PTPRN2: variants seen among roughly 807,000 people sequenced by gnomAD.
PTPRN2 encodes the protein receptor-type tyrosine-protein phosphatase N2.
Under a neutral mutation model 118.8 loss-of-function variants are expected in PTPRN2, and 74 were observed. The observed-to-expected ratio is 0.62, with a 90% CI of 0.52 to 0.76. The LOEUF (loss-of-function observed/expected upper bound fraction) is 0.76. Among genes scored for constraint, PTPRN2 ranks in the 30% least tolerant of loss-of-function variants. The pLI is 0.00. For synonymous variants in PTPRN2, 641 were observed against 608.0 expected, an observed-to-expected ratio of 1.05 and a Z score of -0.80; for missense variants, 1,481 against 1,394.4, an observed-to-expected ratio of 1.06 and a Z score of -0.99.
At chr7:158,261,281 G>A (rs1797381629) in intron 3 of PTPRN2, among the ~76,000 whole-genome samples, 1 of 152,098 alleles carries the variant, frequency 6.6e-6, no homozygotes, top group Admixed American at 6.6e-5. Context: ...CGGAAAGATG[G>A]GAGCACCAGG....
chr7:158,432,106 C>T (rs1054162889), intron 2 of PTPRN2, among the ~76,000 whole-genome samples: 33 of 152,198 alleles, frequency 2.2e-4, no homozygotes, highest in African/African-American at 8.0e-4. Flanking sequence ...GGCTGACTCA[C>T]GGGATGCCTT....
chr7:157,558,302 C>T (rs936435201), intron 21 of PTPRN2, among the ~76,000 whole-genome samples: 5 of 152,106 alleles, frequency 3.3e-5, no homozygotes, highest in Non-Finnish European at 7.4e-5. Context: ...GGGAGCAGCA[C>T]GAGAGCCCCA....
intron 12 of PTPRN2, chr7:157,863,432 C>G (rs1406675721): frequency 1.3e-5 from 2 of 152,240 alleles, no homozygotes; most frequent in Non-Finnish European, 2.9e-5. Context: ...AGGGTCAATC[C>G]TGGCCCATGC....
chr7:157,559,473 G>A (rs78315041), intron 21 of PTPRN2, among the ~76,000 whole-genome samples: 159 of 152,322 alleles, frequency 1.0e-3, no homozygotes, highest in African/African-American at 3.1e-3. Context: ...GAGTGGGTGG[G>A]AGCGAGAGCA....
chr7:158,183,871 G>T (rs1206556579), intron 5 of PTPRN2, among the ~76,000 whole-genome samples: 2 of 151,956 alleles, frequency 1.3e-5, no homozygotes, highest in African/African-American at 2.4e-5. Flanking sequence ...TTGGAAAAAA[G>T]TTCACAGTGT....
intron 14 of PTPRN2, among the ~76,000 whole-genome samples, chr7:157,625,723 GA>G (rs1016133513): frequency 6.6e-6 from 1 of 151,912 alleles, no homozygotes; most frequent in South Asian, 2.1e-4. Context: ...CCAATAAATG[GA>G]AAAAAATCAT....
At chr7:157,882,695 G>A (rs560284497) in intron 12 of PTPRN2, among the ~76,000 whole-genome samples, 30 of 141,818 alleles carry the variant, frequency 2.1e-4, no homozygotes, top group African/African-American at 7.4e-4. Context: ...AATGACTGTC[G>A]GAGAACAGAA....
At chr7:158,040,384 C>G (rs1158228774) in intron 11 of PTPRN2, among the ~76,000 whole-genome samples, 1 of 147,458 alleles carries the variant, frequency 6.8e-6, no homozygotes, top group Non-Finnish European at 1.5e-5. Context: ...CGTGCATACA[C>G]ATGTGCACAC....
At chr7:158,580,148 G>A (rs745554723) in intron 1 of PTPRN2, among the ~76,000 whole-genome samples, 52 of 152,222 alleles carry the variant, frequency 3.4e-4, no homozygotes, top group African/African-American at 5.8e-4. Flanking sequence ...TGGAGCTTGC[G>A]CTGGTGTGCA....
chr7:158,069,774 C>T (rs114556244), intron 11 of PTPRN2, among the ~76,000 whole-genome samples: 81 of 152,342 alleles, frequency 5.3e-4, no homozygotes, highest in African/African-American at 1.7e-3. Context: ...TGCCCAGGCA[C>T]GCAAGGCCAA....
intron 11 of PTPRN2, among the ~76,000 whole-genome samples, chr7:157,955,708 G>A (rs920617237): frequency 1.9e-4 from 29 of 152,302 alleles, no homozygotes; most frequent in Non-Finnish European, 2.2e-4. Flanking sequence ...AGGGCAAGGC[G>A]GCACCGCAGC....
At chr7:157,711,965 GGCCGGGC>G (rs1798652404) in intron 12 of PTPRN2, among the ~76,000 whole-genome samples, 1 of 110,034 alleles carries the variant, frequency 9.1e-6, no homozygotes, top group African/African-American at 4.1e-5. Context: ...GTGGAAGGGG[GGCCGGGC>G]AGCTGGGGGC....
At chr7:158,581,554 A>C (rs1725875832) in intron 1 of PTPRN2, among the ~76,000 whole-genome samples, 2 of 152,246 alleles carry the variant, frequency 1.3e-5, no homozygotes, top group African/African-American at 4.8e-5. Flanking sequence ...AATTTTAAAA[A>C]GAAAGCTCCA....
chr7:157,934,242 C>A (rs1799570637), intron 11 of PTPRN2, among the ~76,000 whole-genome samples: 1 of 152,358 alleles, frequency 6.6e-6, no homozygotes, highest in Admixed American at 6.5e-5. Context: ...GAGAGCTATT[C>A]TGTGGTTCTC....
At chr7:157,569,071 G>T in intron 20 of PTPRN2, 105 bp from the exon 21 acceptor site, 4 of 1,096,398 alleles carry the variant, frequency 3.6e-6, no homozygotes, top group Admixed American at 1.8e-5. Flanking sequence ...GGGGGCCGGC[G>T]AGAGGAAAGG....
intron 1 of PTPRN2, among the ~76,000 whole-genome samples, chr7:158,503,892 T>C (rs186388955): frequency 1.3e-5 from 2 of 151,826 alleles, no homozygotes; most frequent in Non-Finnish European, 2.9e-5. Flanking sequence ...TCCCAGCTAC[T>C]TGGGGGGCCA....
intron 11 of PTPRN2, among the ~76,000 whole-genome samples, chr7:158,036,623 A>G (rs539823298): frequency 3.9e-5 from 6 of 152,320 alleles, no homozygotes; most frequent in African/African-American, 1.4e-4. Flanking sequence ...AACTGGTTCT[A>G]CTCCATGTAA....
intron 12 of PTPRN2, among the ~76,000 whole-genome samples, chr7:157,798,492 CACACACACAG>C (rs1467058728): frequency 2.0e-5 from 3 of 151,868 alleles, no homozygotes; most frequent in Admixed American, 1.3e-4. Flanking sequence ...GTGGCCCCTC[CACACACACAG>C]ACACACACGG....
intron 6 of PTPRN2, 37 bp downstream of exon 6, chr7:158,166,894 G>T: frequency 7.0e-7 from 1 of 1,421,326 alleles, no homozygotes; most frequent in Non-Finnish European, 9.2e-7. Context: ...ACAGAGGACA[G>T]TCAGCAAACA....
Sources: allele counts gnomAD v4.1 joint callset (sites outside exome capture counted in the v4.1 genomes callset), GRCh38; gene constraint gnomAD v4.1.1; transcripts MANE v1.5; gene names NCBI Gene and HGNC (gene_info 2026-07-23, HGNC 2026-07-21).